FBN2: variants seen among roughly 807,000 people sequenced by gnomAD.
FBN2 encodes fibrillin-2.
A neutral mutation model predicts 355.6 loss-of-function variants in FBN2; 105 were observed. The ratio of observed to expected loss-of-function variants is 0.30; its 90% CI spans 0.25 to 0.35. The LOEUF is 0.35. Ranked by LOEUF, FBN2 falls within the 10% of genes least tolerant of loss-of-function variation. The pLI, the probability that FBN2 is intolerant of heterozygous loss-of-function variation, is 1.00. For synonymous variants in FBN2, 1,350 were observed against 1,301.2 expected (o/e 1.04, Z -0.81); for missense variants, 3,280 against 3,758.7 (o/e 0.87, Z 3.33).
At chr5:128,488,125 A>G (rs1755387789) in intron 5 of FBN2, among the ~76,000 whole-genome samples, 1 of 152,112 alleles carries the variant, frequency 6.6e-6, no homozygotes. Flanking sequence ...TGACTATTTC[A>G]TTTTCCACGT....
intron 40 of FBN2, among the ~76,000 whole-genome samples, chr5:128,309,716 T>C (rs1314563498): frequency 6.6e-6 from 1 of 152,236 alleles, no homozygotes; most frequent in Non-Finnish European, 1.5e-5. Flanking sequence ...TGTAAATTAA[T>C]GTTCACACTA....
chr5:128,290,907 C>A (rs1370684183), intron 49 of FBN2, 23 bp from the exon 50 acceptor site: 3 of 1,609,478 alleles, frequency 1.9e-6, no homozygotes, highest in Non-Finnish European at 2.6e-6. Flanking sequence ...GCAAACATTA[C>A]AGATGGAATT....
At chr5:128,328,631 T>C (rs1408671251) in intron 34 of FBN2, 65 bp downstream of exon 34, 1 of 1,573,814 alleles carries the variant, frequency 6.4e-7, no homozygotes, top group Admixed American at 1.7e-5. Context: ...GTTCCAGCCC[T>C]TGTTGTGGTT....
At chr5:128,498,029 G>A (rs1276889931) in intron 5 of FBN2, among the ~76,000 whole-genome samples, 1 of 152,162 alleles carries the variant, frequency 6.6e-6, no homozygotes, top group African/African-American at 2.4e-5. Context: ...AGACATCAGA[G>A]GGAGGCAGGA....
intron 5 of FBN2, among the ~76,000 whole-genome samples, chr5:128,474,497 T>C (rs776774280): frequency 6.6e-5 from 10 of 152,056 alleles, no homozygotes; most frequent in Non-Finnish European, 1.5e-4. Flanking sequence ...ATAGAACCAA[T>C]AGAAACAAGG....
At chr5:128,524,109 C>A (rs539333959) in intron 4 of FBN2, among the ~76,000 whole-genome samples, 129 of 152,234 alleles carry the variant, frequency 8.5e-4, no homozygotes, top group Middle Eastern at 6.8e-3. Context: ...TCAATTCTTA[C>A]CATTTTCCCT....
chr5:128,328,517 G>A (rs915710706), intron 34 of FBN2, 179 bp downstream of exon 34: 5 of 728,574 alleles, frequency 6.9e-6, no homozygotes, highest in Non-Finnish European at 1.2e-5. Context: ...CATAAGAGAT[G>A]AAAGCCGCCA....
At chr5:128,434,394 G>GCATATATATATA (rs1554068954) in intron 7 of FBN2, among the ~76,000 whole-genome samples, 9 of 91,678 alleles carry the variant, frequency 9.8e-5, no homozygotes, top group Non-Finnish European at 1.0e-4. Flanking sequence ...AATAAAGTGT[G>GCATATATATATA]TATATATATA....
chr5:128,315,984 T>C (rs1017918916), intron 36 of FBN2, among the ~76,000 whole-genome samples: 1 of 152,228 alleles, frequency 6.6e-6, no homozygotes, highest in African/African-American at 2.4e-5. Flanking sequence ...ACAAAAGAGC[T>C]GCTCTCTGTC....
At chr5:128,411,492 G>A (rs564555700) in intron 7 of FBN2, among the ~76,000 whole-genome samples, 1 of 152,098 alleles carries the variant, frequency 6.6e-6, no homozygotes, top group Non-Finnish European at 1.5e-5. Flanking sequence ...CATCCCTAGC[G>A]GAACTCCTCT....
At chr5:128,406,084 T>C (rs1440584983) in intron 8 of FBN2, among the ~76,000 whole-genome samples, 1 of 152,212 alleles carries the variant, frequency 6.6e-6, no homozygotes, top group Non-Finnish European at 1.5e-5. Context: ...TCAAGCCAGA[T>C]GTAGGTAGTT....
At chr5:128,287,267 G>T in intron 54 of FBN2, 41 bp downstream of exon 54, 2 of 1,608,092 alleles carry the variant, frequency 1.2e-6, no homozygotes, top group South Asian at 2.2e-5. Context: ...TCTCCAGCAT[G>T]ACAAATAAAG....
At chr5:128,271,526 A>G (rs1330958369) in intron 62 of FBN2, among the ~76,000 whole-genome samples, 2 of 152,220 alleles carry the variant, frequency 1.3e-5, no homozygotes, top group African/African-American at 2.4e-5. Flanking sequence ...GTAAGTAGGT[A>G]CTTTTTCAAC....
At position 128,349,979 on chromosome 5, in the gene FBN2, T is replaced by G. The variant is rs752949752; in HGVS notation, c.2839A>C (p.Arg947=). ...CCTTCACACGTAACACCTTTAATCC[T>G]GGCAAGCCCTCTTGGGCAAGCTGTA... ...LDTACPRGLA[R]IKGVTCEDVN... The change falls in exon 22 of 65, where the codon AGG becomes CGG. Residue 947 remains arginine, a synonymous_variant. Transcript: ENST00000262464. 3 of 1,613,944 alleles carry G rather than the reference T, an allele frequency of 1.9e-6. No homozygotes were observed. Among genetic ancestry groups the G allele is most frequent in the Middle Eastern group, 1.6e-4 (1 of 6,062 alleles).
intron 1 of FBN2, 101 bp from the exon 2 acceptor site, chr5:128,536,585 C>G (rs1756853504): frequency 1.2e-6 from 1 of 816,852 alleles, no homozygotes; most frequent in South Asian, 1.4e-5. Context: ...GATTTCAGGA[C>G]AACAAACAAA....
intron 32 of FBN2, among the ~76,000 whole-genome samples, chr5:128,332,260 T>C (rs536987266): frequency 6.6e-6 from 1 of 152,306 alleles, no homozygotes; most frequent in East Asian, 1.9e-4. Flanking sequence ...ACCTAGAAAT[T>C]CTTACTAGTT....
chr5:128,401,950 C>G (rs1752809096), intron 8 of FBN2, among the ~76,000 whole-genome samples: 2 of 152,072 alleles, frequency 1.3e-5, no homozygotes, highest in African/African-American at 4.8e-5. Context: ...CTACAATTAG[C>G]TTTTTCTAGT....
chr5:128,535,446 T>C (rs1000039159), intron 2 of FBN2, among the ~76,000 whole-genome samples: 31 of 152,082 alleles, frequency 2.0e-4, no homozygotes, highest in African/African-American at 7.5e-4. Flanking sequence ...AACATGGAGG[T>C]CAATCTAAAG....
intron 40 of FBN2, 59 bp downstream of exon 40, chr5:128,309,924 G>C: frequency 1.9e-6 from 3 of 1,564,128 alleles, no homozygotes; most frequent in South Asian, 1.1e-5. Flanking sequence ...TGAGACGTAA[G>C]TGCTTTATGT....
Sources: gnomAD v4.1 joint callset for allele counts (sites outside exome capture counted in the v4.1 genomes callset) on GRCh38, gnomAD v4.1.1 for gene constraint, MANE v1.5 for transcripts, NCBI Gene and HGNC (gene_info 2026-07-23, HGNC 2026-07-21) for gene names.